CPXM2: variants seen among roughly 807,000 people sequenced by gnomAD.
The protein encoded by CPXM2 is inactive carboxypeptidase-like protein X2.
Under a neutral mutation model 86.1 loss-of-function variants are expected in CPXM2, and 66 were observed. The ratio of observed to expected loss-of-function variants is 0.77; its 90% confidence interval spans 0.63 to 0.94. CPXM2 has a LOEUF of 0.94. Among genes scored for constraint, CPXM2 ranks in the 40% least tolerant of loss-of-function variants. CPXM2 has a pLI of 0.00. For synonymous variants in CPXM2, 388 were observed against 400.2 expected, an observed-to-expected ratio of 0.97 and a Z score of 0.36; for missense variants, 948 against 1,026.3, an observed-to-expected ratio of 0.92 and a Z score of 1.04.
intron 6 of CPXM2, among the ~76,000 whole-genome samples, chr10:123,797,400 A>G (rs1380046706): frequency 6.6e-6 from 1 of 152,116 alleles, no homozygotes; most frequent in Non-Finnish European, 1.5e-5. Context: ...TAAAATCACT[A>G]TAGGCAAAAC....
chr10:123,912,666 C>G (rs545019801), intron 2 of CPXM2, among the ~76,000 whole-genome samples: 1 of 152,300 alleles, frequency 6.6e-6, no homozygotes, highest in South Asian at 2.1e-4. Context: ...ACACGCCCAG[C>G]CCTCTCCACT....
Position 123,901,938 on chromosome 10 carries a change from G to A in CPXM2, n.175-21629C>T, listed in dbSNP as rs544381104. Among the ~76,000 whole-genome samples, 6 of 152,306 alleles carry A rather than the reference G, an allele frequency of 3.9e-5. No individual in the cohort carries two copies. In the South Asian group the frequency reaches 6.2e-4, roughly 16 times the overall value. On this transcript the variant is annotated intron_variant and non_coding_transcript_variant, in intron 2 of 19. Coordinates refer to the CPXM2 transcript ENST00000368854. ...GCGGGGCTGAATTTTTCATTTGCCTGAATTGCAAACTGTTCACTGGAATGA... is the reference window on the plus strand; with the variant it reads ...GCGGGGCTGAATTTTTCATTTGCCTAAATTGCAAACTGTTCACTGGAATGA...
At chr10:123,827,882 G>A (rs1848080605) in intron 4 of CPXM2, among the ~76,000 whole-genome samples, 1 of 152,192 alleles carries the variant, frequency 6.6e-6, no homozygotes, top group South Asian at 2.1e-4. Context: ...AAATAAATCA[G>A]GGTGGGCAAG....
intron 1 of CPXM2, among the ~76,000 whole-genome samples, chr10:123,939,849 C>T (rs1945757795): frequency 6.6e-6 from 1 of 152,198 alleles, no homozygotes; most frequent in Admixed American, 6.5e-5. Context: ...GACAGCCAGG[C>T]CCAAGTGCAG....
intron 4 of CPXM2, among the ~76,000 whole-genome samples, chr10:123,816,604 C>T (rs756338933): frequency 9.2e-5 from 14 of 152,200 alleles, no homozygotes; most frequent in Admixed American, 2.6e-4. Flanking sequence ...GCTGCTGTAC[C>T]AGATGTGGTT....
rs755498941 is a variant in CPXM2, at chr10:123,862,034, G to A, written c.513+580C>T. Among the ~76,000 whole-genome samples the A allele has an allele frequency of 9.2e-5, 14 of 152,210 alleles. No individual in the cohort carries two copies. In the East Asian group the frequency reaches 1.3e-3, roughly 15 times the overall value. Reference sequence around the variant, plus strand: ...GCTCACCTTCCTGGAGCAAGACCTCGGACTGATGGGACTGACAGAGAGGGA... The same window carrying A: ...GCTCACCTTCCTGGAGCAAGACCTCAGACTGATGGGACTGACAGAGAGGGA... On this transcript the variant is annotated intron_variant, in intron 3 of 13. Coordinates refer to ENST00000241305, the MANE Select transcript of CPXM2 (RefSeq NM_198148.3).
chr10:123,776,547 A>G (rs1354788738), intron 7 of CPXM2: 1 of 152,248 alleles, frequency 6.6e-6, no homozygotes, highest in Non-Finnish European at 1.5e-5. Context: ...GTATTCATTA[A>G]AAGTTATGAA....
chr10:123,936,323 C>T (rs544837720), intron 2 of CPXM2, among the ~76,000 whole-genome samples: 1 of 152,268 alleles, frequency 6.6e-6, no homozygotes, highest in African/African-American at 2.4e-5. Flanking sequence ...CTTATTGTCT[C>T]CCCAAAATCA....
At chr10:123,807,512 G>A (rs114751909) in intron 4 of CPXM2, among the ~76,000 whole-genome samples, 1 of 152,200 alleles carries the variant, frequency 6.6e-6, no homozygotes, top group African/African-American at 2.4e-5. Flanking sequence ...GAATACAAAG[G>A]TAACTTATAC....
In CPXM2 at chr10:123,851,725, C is replaced by T. The variant is rs529901555; in HGVS notation, c.514-9237G>A. 1.2e-4 allele frequency among the ~76,000 whole-genome samples: 18 copies of T among 149,840 alleles called. No homozygotes were observed. The East Asian group carries it at 2.8e-3, about 23-fold the overall frequency. On this transcript the variant is annotated intron_variant, in intron 3 of 13. Transcript: ENST00000241305. ...TGGAGGTTGCAGTGAGCCAAGATCA[C>T]GCCACTACACTCCAGCCTGGGTGAC...
At chr10:123,839,290 C>T (rs547831518) in intron 4 of CPXM2, among the ~76,000 whole-genome samples, 30 of 152,332 alleles carry the variant, frequency 2.0e-4, no homozygotes, top group African/African-American at 7.2e-4. Context: ...CAGCTCCAGA[C>T]ACCTGTGGCT....
At chr10:123,819,396 G>A (rs1847879489) in intron 4 of CPXM2, among the ~76,000 whole-genome samples, 1 of 152,190 alleles carries the variant, frequency 6.6e-6, no homozygotes, top group African/African-American at 2.4e-5. Context: ...CTTGCTGAAG[G>A]CAAAGGGAAT....
chr10:123,843,022 G>C (rs7071385), intron 3 of CPXM2, among the ~76,000 whole-genome samples: 45,676 of 152,072 alleles, frequency 0.3, 7,479 homozygotes, highest in African/African-American at 0.43. Flanking sequence ...GATACTTGAA[G>C]TAGGTGTTGA....
intron 4 of CPXM2, among the ~76,000 whole-genome samples, chr10:123,827,213 A>G (rs1023477986): frequency 6.6e-6 from 1 of 152,176 alleles, no homozygotes; most frequent in Non-Finnish European, 1.5e-5. Context: ...TAAAAATCCA[A>G]AAACCTCCCC....
chr10:123,789,858 C>T (rs1279392317), intron 6 of CPXM2, among the ~76,000 whole-genome samples: 1 of 151,992 alleles, frequency 6.6e-6, no homozygotes, highest in East Asian at 1.9e-4. Flanking sequence ...GTGGCTCACA[C>T]CTGTAATCCC....
Position 123,768,644 on chromosome 10 carries a change from T to C in CPXM2, c.1181A>G (p.Gln394Arg). 1 of 1,613,644 alleles carries C rather than the reference T, an allele frequency of 6.2e-7. No homozygotes were observed. The highest frequency in any genetic ancestry group is 8.5e-7 in the Non-Finnish European group (1 of 1,179,826). Residue 394 changes from glutamine to arginine, a missense_variant, in exon 9 of 14, where the codon CAG (glutamine) becomes CGG (arginine). Gln to Arg is a conservative substitution (Grantham distance 43). Transcript: ENST00000241305. ...LGRELLLLLV[Q>R]FVCQEYLARN... ...GGCCAAGTACTCCTGACACACGAAC[T>C]GCACCAGCAGCAGCAGCAGCTCCCG...
intron 4 of CPXM2, among the ~76,000 whole-genome samples, chr10:123,819,726 T>C (rs1424542326): frequency 1.3e-5 from 2 of 152,230 alleles, no homozygotes; most frequent in Admixed American, 1.3e-4. Flanking sequence ...GACCTCATTA[T>C]TGTCTTTATT....
intron 3 of CPXM2, among the ~76,000 whole-genome samples, chr10:123,850,488 C>T (rs897903155): frequency 4.9e-4 from 74 of 152,322 alleles, no homozygotes; most frequent in African/African-American, 1.7e-3. Flanking sequence ...TTCTCACCAT[C>T]CAACGTTGAT....
chr10:123,787,897 C>T (rs1241649802), intron 6 of CPXM2, among the ~76,000 whole-genome samples: 2 of 152,030 alleles, frequency 1.3e-5, no homozygotes, highest in Non-Finnish European at 2.9e-5. Context: ...GTTTGTAGCC[C>T]CCATTTTTCT....
Sources: gnomAD v4.1 joint callset for allele counts (sites outside exome capture counted in the v4.1 genomes callset) on GRCh38, gnomAD v4.1.1 for gene constraint, MANE v1.5 for transcripts, NCBI Gene and HGNC (gene_info 2026-07-23, HGNC 2026-07-21) for gene names.